Variants in GRID1 observed in about 807,000 individuals in gnomAD.
The protein encoded by GRID1 is glutamate receptor ionotropic, delta-1.
A neutral mutation model predicts 98.0 loss-of-function variants in GRID1; 28 were observed. The observed-to-expected ratio is 0.29, with a 90% confidence interval of 0.21 to 0.39. The LOEUF (loss-of-function observed/expected upper bound fraction) is 0.39. Ranked by LOEUF, GRID1 falls within the 10% of genes least tolerant of loss-of-function variation. GRID1 has a pLI of 1.00. For synonymous variants in GRID1, 553 were observed against 538.5 expected, an observed-to-expected ratio of 1.03 and a Z score of -0.37; for missense variants, 1,111 against 1,340.5, an observed-to-expected ratio of 0.83 and a Z score of 2.67.
chr10:85,788,868 GCT>G (rs1415022818), intron 8 of GRID1, among the ~76,000 whole-genome samples: 1 of 152,204 alleles, frequency 6.6e-6, no homozygotes, highest in Non-Finnish European at 1.5e-5. Flanking sequence ...TTAGGACTTG[GCT>G]GAGAAATAAA....
intron 6 of GRID1, among the ~76,000 whole-genome samples, chr10:85,867,153 C>T (rs993043784): frequency 6.6e-6 from 1 of 152,130 alleles, no homozygotes; most frequent in African/African-American, 2.4e-5. Context: ...ACCAAAGGGC[C>T]CACCTGCGCC....
chr10:86,211,496 G>C (rs1846107617), intron 2 of GRID1, among the ~76,000 whole-genome samples: 1 of 152,200 alleles, frequency 6.6e-6, no homozygotes, highest in South Asian at 2.1e-4. Flanking sequence ...GGGGGTGTGG[G>C]GGGTGCCCAG....
intron 12 of GRID1, among the ~76,000 whole-genome samples, chr10:85,680,442 A>C (rs1434134382): frequency 6.6e-6 from 1 of 152,224 alleles, no homozygotes; most frequent in African/African-American, 2.4e-5. Flanking sequence ...TCCATCTGCC[A>C]TTCAGCATAG....
At chr10:85,778,445 C>T (rs987627118) in intron 8 of GRID1, among the ~76,000 whole-genome samples, 3 of 152,134 alleles carry the variant, frequency 2.0e-5, no homozygotes, top group Non-Finnish European at 4.4e-5. Flanking sequence ...GTGGTATTCA[C>T]CCCCAAAAAA....
intron 13 of GRID1, among the ~76,000 whole-genome samples, chr10:85,623,770 T>C (rs987860759): frequency 8.5e-5 from 13 of 152,234 alleles, no homozygotes; most frequent in African/African-American, 3.1e-4. Context: ...GCTCCATCCC[T>C]TCATTTCCAT....
chr10:85,865,502 C>T (rs1264126140), intron 6 of GRID1, among the ~76,000 whole-genome samples: 1 of 152,138 alleles, frequency 6.6e-6, no homozygotes, highest in African/African-American at 2.4e-5. Context: ...ATGATCTTCC[C>T]AAGAGCAGCC....
intron 2 of GRID1, among the ~76,000 whole-genome samples, chr10:86,223,221 G>C (rs927852664): frequency 6.6e-6 from 1 of 152,160 alleles, no homozygotes; most frequent in South Asian, 2.1e-4. Flanking sequence ...GGCACAGTAG[G>C]TTGCTCTGGT....
chr10:86,342,851 T>A, intron 2 of GRID1, among the ~76,000 whole-genome samples: 1 of 152,272 alleles, frequency 6.6e-6, no homozygotes, highest in East Asian at 1.9e-4. Flanking sequence ...AGGTCTTATT[T>A]GTCATAAATA....
intron 13 of GRID1, among the ~76,000 whole-genome samples, chr10:85,631,335 T>C (rs1012836102): frequency 1.3e-5 from 2 of 152,240 alleles, no homozygotes; most frequent in African/African-American, 4.8e-5. Flanking sequence ...CCTGTCCTCA[T>C]GCTGGTTTTT....
intron 2 of GRID1, among the ~76,000 whole-genome samples, chr10:86,344,541 G>T (rs780550101): frequency 6.6e-6 from 1 of 152,230 alleles, no homozygotes; most frequent in Non-Finnish European, 1.5e-5. Flanking sequence ...CTCTGAGGCC[G>T]TGGTGGTCTA....
chr10:86,035,374 T>C (rs1176558787), intron 4 of GRID1, among the ~76,000 whole-genome samples: 1 of 152,178 alleles, frequency 6.6e-6, no homozygotes, highest in Non-Finnish European at 1.5e-5. Context: ...TAATAATATG[T>C]TGCCAAAAAA....
chr10:86,063,403 A>C (rs1843675803), intron 4 of GRID1, among the ~76,000 whole-genome samples: 1 of 152,214 alleles, frequency 6.6e-6, no homozygotes, highest in Admixed American at 6.5e-5. Context: ...GGAACCTGAG[A>C]GGGCCCAGAG....
chr10:86,202,997 C>T (rs991956205), intron 3 of GRID1, among the ~76,000 whole-genome samples: 1 of 152,184 alleles, frequency 6.6e-6, no homozygotes, highest in Non-Finnish European at 1.5e-5. Context: ...TAGGATGATG[C>T]CTTGGCTAAA....
At chr10:85,872,925 C>G (rs959733777) in intron 5 of GRID1, among the ~76,000 whole-genome samples, 1 of 152,202 alleles carries the variant, frequency 6.6e-6, no homozygotes, top group Non-Finnish European at 1.5e-5. Context: ...GAGATATTTG[C>G]AATCAGAATC....
chr10:85,668,312 CTG>C (rs912274693), intron 12 of GRID1, among the ~76,000 whole-genome samples: 12 of 152,172 alleles, frequency 7.9e-5, no homozygotes, highest in African/African-American at 2.9e-4. Context: ...GCCTCTGACT[CTG>C]TGTGTGTTTG....
chr10:86,217,421 G>T (rs1198217376), intron 2 of GRID1, among the ~76,000 whole-genome samples: 1 of 152,210 alleles, frequency 6.6e-6, no homozygotes, highest in African/African-American at 2.4e-5. Flanking sequence ...GTTCAAAAAA[G>T]GATCAACTTC....
At chr10:85,920,412 G>A (rs952331188) in intron 4 of GRID1, among the ~76,000 whole-genome samples, 4 of 152,100 alleles carry the variant, frequency 2.6e-5, no homozygotes, top group Non-Finnish European at 5.9e-5. Flanking sequence ...TGATTCGATG[G>A]TCTCTTGAAG....
At chr10:86,350,218 G>A (rs1230852837) in intron 2 of GRID1, among the ~76,000 whole-genome samples, 3 of 152,216 alleles carry the variant, frequency 2.0e-5, no homozygotes, top group Admixed American at 6.5e-5. Context: ...AGCTTTTGTC[G>A]GGGTCCTTGG....
intron 4 of GRID1, among the ~76,000 whole-genome samples, chr10:85,950,224 C>G (rs1282553863): frequency 6.6e-6 from 1 of 152,138 alleles, no homozygotes; most frequent in Admixed American, 6.5e-5. Flanking sequence ...AGCCATTAAG[C>G]CCAGAGCAGT....
Sources: gnomAD v4.1 joint callset for allele counts (sites outside exome capture counted in the v4.1 genomes callset) on GRCh38, gnomAD v4.1.1 for gene constraint, MANE v1.5 for transcripts, NCBI Gene and HGNC (gene_info 2026-07-23, HGNC 2026-07-21) for gene names.